Variants in HMGB1 observed in about 807,000 individuals in gnomAD.
The protein encoded by HMGB1 is high mobility group box 1, also known as high mobility group protein B1.
For synonymous variants in HMGB1, 81 were observed against 84.0 expected (o/e 0.96, Z 0.19); for missense variants, 79 against 253.5 (o/e 0.31, Z 4.67).
chr13:30,503,647 C>CTTTTTTTTTTTTTTTTTTTTTTTTTTT (rs10590461), intron 1 of HMGB1, among the ~76,000 whole-genome samples: 1 of 106,438 alleles, frequency 9.4e-6, no homozygotes, highest in African/African-American at 3.6e-5. Flanking sequence ...TACTCAGCTT[C>CTTTTTTTTTTTTTTTTTTTTTTTTTTT]TTTTTTTTTT....
intron 1 of HMGB1, among the ~76,000 whole-genome samples, chr13:30,553,146 A>G (rs1435118889): frequency 6.6e-6 from 1 of 152,198 alleles, no homozygotes; most frequent in Non-Finnish European, 1.5e-5. Flanking sequence ...CTCCCACAGG[A>G]TCAAGTAGCA....
At chr13:30,462,335 A>G in intron 4 of HMGB1, 1 of 627,320 alleles carries the variant, frequency 1.6e-6, no homozygotes, top group Non-Finnish European at 2.9e-6. Context: ...AAATGTACAC[A>G]GCCTTTGTCT....
intron 1 of HMGB1, among the ~76,000 whole-genome samples, chr13:30,516,744 C>T (rs1888110433): frequency 6.6e-6 from 1 of 151,900 alleles, no homozygotes; most frequent in African/African-American, 2.4e-5. Context: ...ATAGTGAGAC[C>T]CTGTCTATAC....
At chr13:30,473,927 T>C (rs1887006957) in intron 1 of HMGB1, among the ~76,000 whole-genome samples, 1 of 152,196 alleles carries the variant, frequency 6.6e-6, no homozygotes, top group African/African-American at 2.4e-5. Flanking sequence ...GACATTATGC[T>C]AAGTGAAAGA....
chr13:30,474,815 C>T (rs1887031744), intron 1 of HMGB1, among the ~76,000 whole-genome samples: 1 of 133,314 alleles, frequency 7.5e-6, no homozygotes. Flanking sequence ...AGCTGGAGTG[C>T]AATGGTGCAA....
intron 1 of HMGB1, among the ~76,000 whole-genome samples, chr13:30,574,272 T>C (rs920282752): frequency 2.6e-5 from 4 of 152,252 alleles, no homozygotes; most frequent in African/African-American, 9.6e-5. Flanking sequence ...TTTGTAGATA[T>C]TTCTCTGATA....
intron 1 of HMGB1, among the ~76,000 whole-genome samples, chr13:30,564,334 T>G (rs1052810426): frequency 1.3e-5 from 2 of 149,366 alleles, no homozygotes; most frequent in Non-Finnish European, 3.0e-5. Flanking sequence ...ATGCCTGCAG[T>G]CCCAGCTACT....
intron 1 of HMGB1, among the ~76,000 whole-genome samples, chr13:30,581,987 T>C (rs1870919989): frequency 6.6e-6 from 1 of 152,178 alleles, no homozygotes; most frequent in South Asian, 2.1e-4. Context: ...CACTGTATCA[T>C]GGTAGAGAAG....
Position 30,602,129 on chromosome 13 carries a change from AC to A in HMGB1, c.-15+14541del, listed in dbSNP as rs1950409294. ...CCAGCACCACAGCCTCAGACATGTC[AC>A]CGGGGACACCAGCACCACAGCCTCA... On this transcript the variant is annotated intron_variant, in intron 1 of 4. Coordinates refer to the HMGB1 transcript ENST00000405805. Among the ~76,000 whole-genome samples, 4 of 151,772 alleles carry A rather than the reference AC, an allele frequency of 2.6e-5. No individual in the cohort carries two copies. In the South Asian group the frequency reaches 8.3e-4, roughly 32 times the overall value.
chr13:30,539,175 G>GC (rs1197009630), intron 1 of HMGB1, among the ~76,000 whole-genome samples: 1 of 152,226 alleles, frequency 6.6e-6, no homozygotes, highest in Non-Finnish European at 1.5e-5. Context: ...GGGATTACAG[G>GC]CGTAAGCCAC....
intron 1 of HMGB1, among the ~76,000 whole-genome samples, chr13:30,489,983 CCCAG>C (rs1887448557): frequency 6.7e-6 from 1 of 149,190 alleles, no homozygotes; most frequent in Non-Finnish European, 1.5e-5. Context: ...GCCCCGGCCT[CCCAG>C]AATGTTGGGA....
intron 1 of HMGB1, among the ~76,000 whole-genome samples, chr13:30,609,509 A>AGT (rs973175885): frequency 3.9e-5 from 6 of 152,136 alleles, no homozygotes; most frequent in Non-Finnish European, 7.4e-5. Context: ...AGTTACACCG[A>AGT]GTGTGCCTGC....
intron 1 of HMGB1, among the ~76,000 whole-genome samples, chr13:30,538,718 CTTT>C (rs1326104418): frequency 2.3e-5 from 1 of 43,548 alleles, no homozygotes; most frequent in African/African-American, 1.2e-4. Context: ...TTTCTTTCTT[CTTT>C]TTCTTTCTTT....
rs995665982 is a variant in HMGB1 at position 30,458,503 on chromosome 13, G to T, written c.*2854C>A. 1 of 152,144 alleles carries T rather than the reference G, an allele frequency of 6.6e-6. No homozygotes were observed. The highest frequency in any genetic ancestry group is 1.5e-5 in the Non-Finnish European group (1 of 68,094). The allele number at this position is 152,144 out of a possible 1,614,324, so 9.4% of individuals were successfully genotyped here. A position where few individuals can be genotyped will look rare whatever the true frequency, so the allele number is the denominator to read the frequency against. ...CAGCACCACGCTTGGCTAATTTTTT[G>T]TATTTTTAGTAGAGGCGGGGTTTCA... On this transcript the variant is annotated 3_prime_UTR_variant, in exon 5 of 5. Transcript: ENST00000341423.
Position 30,465,918 on chromosome 13 carries a change from C to G in HMGB1, c.-137G>C. ...GGGAGCCAGACGCAGCCTCCTCACT[C>G]TCTCCGCTCTGTAACATTACTCTCC... On this transcript the variant is annotated 5_prime_UTR_variant, in exon 1 of 5. Transcript: ENST00000341423. The G allele has an allele frequency of 1.0e-6, 1 of 986,040 alleles. No homozygotes were observed. The highest frequency in any genetic ancestry group is 1.7e-5 in the African/African-American group (1 of 57,386). 61.1% of individuals were successfully genotyped at this position (986,040 alleles called of 1,614,324 possible).
intron 1 of HMGB1, among the ~76,000 whole-genome samples, chr13:30,504,051 G>C (rs193255030): frequency 1.1e-4 from 16 of 152,080 alleles, no homozygotes; most frequent in African/African-American, 3.9e-4. Context: ...GTCAAGAAAG[G>C]CTTCCAAGAA....
At chr13:30,589,007 C>CTTTTTTTTTGTTTTTTT (rs1871268360) in intron 1 of HMGB1, among the ~76,000 whole-genome samples, 1 of 141,718 alleles carries the variant, frequency 7.1e-6, no homozygotes, top group African/African-American at 2.6e-5. Flanking sequence ...TAGTTTACCA[C>CTTTTTTTTTGTTTTTTT]TTTTTTTTTT....
At chr13:30,554,197 T>C (rs1039002111) in intron 1 of HMGB1, 1 of 1,430,392 alleles carries the variant, frequency 7.0e-7, no homozygotes, top group Non-Finnish European at 9.9e-7. Context: ...CTCACTTGCA[T>C]TATACGACCT....
intron 1 of HMGB1, among the ~76,000 whole-genome samples, chr13:30,558,362 G>A (rs1420507283): frequency 3.3e-5 from 5 of 152,166 alleles, no homozygotes; most frequent in Non-Finnish European, 7.3e-5. Flanking sequence ...AAAGTGAACA[G>A]TGCTGAATTT....
Sources: gnomAD v4.1 joint callset for allele counts (sites outside exome capture counted in the v4.1 genomes callset) on GRCh38, gnomAD v4.1.1 for gene constraint, MANE v1.5 for transcripts, NCBI Gene and HGNC (gene_info 2026-07-23, HGNC 2026-07-21) for gene names.